GATAD1: variants seen among roughly 807,000 people sequenced by gnomAD.
The protein encoded by GATAD1 is GATA zinc finger domain-containing protein 1.
Under a neutral mutation model 26.5 loss-of-function variants are expected in GATAD1, and 12 were observed. The observed-to-expected ratio is 0.45, with a 90% confidence interval of 0.29 to 0.73. The LOEUF (loss-of-function observed/expected upper bound fraction) is 0.73, where lower values mean the gene tolerates loss of function less well. Among genes scored for constraint, GATAD1 ranks in the 30% least tolerant of loss-of-function variants. GATAD1 has a pLI of 0.10. For missense variants in GATAD1, 266 were observed against 342.1 expected (o/e 0.78, Z 1.75); for synonymous variants, 129 against 133.1 (o/e 0.97, Z 0.21).
chr7:92,473,697 G>A, the GATAD1 span, among the ~76,000 whole-genome samples: 1 of 151,870 alleles, frequency 6.6e-6, no homozygotes, highest in Non-Finnish European at 1.5e-5. Flanking sequence ...GAAGTATCTA[G>A]TGACTGCCCG....
chr7:92,450,674 G>T (rs376691322), intron 2 of GATAD1, 27 bp from the exon 3 acceptor site: 1 of 1,531,418 alleles, frequency 6.5e-7, no homozygotes, highest in Non-Finnish European at 9.0e-7. Flanking sequence ...TACTATGAAT[G>T]TGCTAATGTT....
At position 92,459,666 on chromosome 7, in the gene GATAD1, T is replaced by C. The variant is rs1789843775; in HGVS notation, c.*3104T>C. ...GAACTTTCCAGATTCCCATGCCTTT[T>C]TGGAATCAATCTCTATCCTATTGTC... On this transcript the variant is annotated 3_prime_UTR_variant, in exon 5 of 5. Coordinates refer to ENST00000287957, the MANE Select transcript of GATAD1 (RefSeq NM_021167.5). 1.3e-5 allele frequency among the ~76,000 whole-genome samples: 2 copies of C among 152,236 alleles called. No individual in the cohort carries two copies. Among genetic ancestry groups the C allele is most frequent in the Non-Finnish European group, 1.5e-5 (1 of 68,024 alleles).
chr7:92,448,019 G>A, intron 1 of GATAD1, 41 bp downstream of exon 1: 3 of 1,199,416 alleles, frequency 2.5e-6, no homozygotes, highest in South Asian at 8.3e-5. Flanking sequence ...AGGCCGACCA[G>A]GTGCTAGGCG....
At chr7:92,449,572 A>G (rs1789330262) in intron 2 of GATAD1, 1 of 975,974 alleles carries the variant, frequency 1.0e-6, no homozygotes, top group African/African-American at 1.8e-5. Flanking sequence ...CAGAACAGGA[A>G]TGTTTCACTT....
chr7:92,469,830 A>T, the GATAD1 span: 1 of 771,194 alleles, frequency 1.3e-6, no homozygotes, highest in Non-Finnish European at 2.4e-6. Context: ...TCCAACAGTT[A>T]GTAGGGTTTT....
the GATAD1 span, among the ~76,000 whole-genome samples, chr7:92,490,667 A>C: frequency 6.6e-6 from 1 of 151,838 alleles, no homozygotes; most frequent in Non-Finnish European, 1.5e-5. Context: ...AAATTAATAA[A>C]GCAAATGTAC....
chr7:92,469,813 A>C, the GATAD1 span: 6 of 768,202 alleles, frequency 7.8e-6, no homozygotes, highest in Non-Finnish European at 1.4e-5. Context: ...GTTCAGGGGG[A>C]GGCATATCCA....
chr7:92,490,620 G>C, the GATAD1 span, among the ~76,000 whole-genome samples: 43 of 116,708 alleles, frequency 3.7e-4, no homozygotes, highest in Admixed American at 1.2e-3. Context: ...GGATGATAGA[G>C]TGAGACTGTC....
At chr7:92,480,861 G>C in the GATAD1 span, among the ~76,000 whole-genome samples, 3 of 152,192 alleles carry the variant, frequency 2.0e-5, no homozygotes, top group Non-Finnish European at 4.4e-5. Context: ...GCCTTGAGAA[G>C]AGTTTTTATT....
intron 3 of GATAD1, 47 bp downstream of exon 3, chr7:92,450,807 AATGT>A: frequency 1.8e-6 from 2 of 1,109,138 alleles, no homozygotes; most frequent in Non-Finnish European, 2.8e-6. Context: ...CCTAGTGGGT[AATGT>A]GCCACTAAAA....
At chr7:92,492,903 CTTCTT>C in the GATAD1 span, 1 of 1,396,988 alleles carries the variant, frequency 7.2e-7, no homozygotes, top group Admixed American at 1.7e-5. Context: ...TGACATTGTA[CTTCTT>C]TTATCACTCA....
the GATAD1 span, among the ~76,000 whole-genome samples, chr7:92,480,728 G>T: frequency 6.6e-6 from 1 of 152,194 alleles, no homozygotes; most frequent in Non-Finnish European, 1.5e-5. Context: ...AGGGACAGAA[G>T]TTGGAACGCT....
chr7:92,448,497 TTACAAGC>T (rs1313834559), intron 1 of GATAD1, among the ~76,000 whole-genome samples: 1 of 152,160 alleles, frequency 6.6e-6, no homozygotes, highest in East Asian at 1.9e-4. Context: ...TCCTGCCCTA[TTACAAGC>T]AGCTCACACC....
Position 92,447,803 on chromosome 7 carries a change from AG to A in GATAD1, c.79del (p.Glu27ArgfsTer97). The part of the protein sequence containing the change: ...TSSSMWKKGA[Q>X]GEILCHHCTG... ...TCCTCCATGTGGAAGAAGGGAGCGCAGGGGGAGATCCTCTGCCATCATTGCA... is the reference window on the plus strand; with the variant it reads ...TCCTCCATGTGGAAGAAGGGAGCGCAGGGGAGATCCTCTGCCATCATTGCA... On this transcript the variant is annotated frameshift_variant, in exon 1 of 5. Coordinates refer to ENST00000287957, the MANE Select transcript of GATAD1 (RefSeq NM_021167.5). LOFTEE classifies it high-confidence loss of function. 2 of 1,493,728 alleles carry A rather than the reference AG, an allele frequency of 1.3e-6. No individual in the cohort carries two copies. The highest frequency in any genetic ancestry group is 2.3e-5 in the Admixed American group (1 of 43,112). 92.5% of individuals were successfully genotyped at this position (1,493,728 alleles called of 1,614,324 possible). A position where few individuals can be genotyped will look rare whatever the true frequency, so the allele number is the denominator to read the frequency against.
At position 92,457,129 on chromosome 7, in the gene GATAD1, A is replaced by G. The variant is rs1001471523; in HGVS notation, c.*567A>G. On this transcript the variant is annotated 3_prime_UTR_variant, in exon 5 of 5. Transcript: ENST00000287957. ...AGCCAAGATTGCACCGCTGTGCTCC[A>G]GCCTGGGCAACAGAGTGAGACTCTT... 8 of 146,726 alleles carry G rather than the reference A, an allele frequency of 5.5e-5. No individual in the cohort carries two copies. The highest frequency in any genetic ancestry group is 2.0e-4 in the African/African-American group (8 of 39,484). The allele number at this position is 146,726 out of a possible 1,614,324, so 9.1% of individuals were successfully genotyped here.
chr7:92,469,479 A>G, the GATAD1 span: 4 of 767,354 alleles, frequency 5.2e-6, no homozygotes, highest in African/African-American at 6.8e-5. Context: ...AATCTTGTTC[A>G]GTGTAGATGG....
chr7:92,447,933 C>T lies in GATAD1; in HGVS notation c.204C>T (p.Thr68=), dbSNP rs1251289174. 1.1e-5 allele frequency: 14 copies of T among 1,243,126 alleles called. No individual in the cohort carries two copies. Among genetic ancestry groups the T allele is most frequent in the East Asian group, 3.2e-5 (1 of 30,944 alleles). 77.0% of individuals were successfully genotyped at this position (1,243,126 alleles called of 1,614,324 possible). A position where few individuals can be genotyped will look rare whatever the true frequency, so the allele number is the denominator to read the frequency against. The change falls in exon 1 of 5, where the codon ACC becomes ACT. Residue 68 remains threonine, a synonymous_variant. Transcript: ENST00000287957. ...GGFGAATFAS[T]SATPPQSNGG... ...TCGGCGCGGCGACCTTCGCCAGCAC[C>T]TCCGCCACCCCTCCGCAGAGCAACG... is the stretch of plus-strand genomic sequence containing the variant.
the GATAD1 span, among the ~76,000 whole-genome samples, chr7:92,475,792 C>T: frequency 1.3e-5 from 2 of 152,340 alleles, no homozygotes; most frequent in Middle Eastern, 3.4e-3. Flanking sequence ...TATTTTATAA[C>T]AACCCAGCTG....
In GATAD1 at chr7:92,450,770, T is replaced by C. The variant is rs777986941; in HGVS notation, c.435+10T>C. ...ATCAATCTTCTACAAGGTAAGCTTT[T>C]GTAGAGTTACTGAAGGAAGAGTTGG... On this transcript the variant is annotated intron_variant, in intron 3 of 4. Transcript: ENST00000287957. The C allele has an allele frequency of 1.9e-6, 3 of 1,580,048 alleles. No homozygotes were observed. The highest frequency in any genetic ancestry group is 2.2e-5 in the South Asian group (2 of 90,338).
Sources: gnomAD v4.1 joint callset for allele counts (sites outside exome capture counted in the v4.1 genomes callset) on GRCh38, gnomAD v4.1.1 for gene constraint, MANE v1.5 for transcripts, NCBI Gene and HGNC (gene_info 2026-07-23, HGNC 2026-07-21) for gene names.